Variants in CAST observed in about 807,000 individuals in gnomAD.
CAST encodes MIR583 host.
CAST carries 76 observed loss-of-function variants against 119.6 expected under a neutral mutation model. That is an observed-to-expected ratio of 0.64 (90% CI 0.53 to 0.77). The LOEUF is 0.77. Among genes scored for constraint, CAST ranks in the 30% least tolerant of loss-of-function variants. CAST has a pLI of 0.00. For synonymous variants in CAST, 319 were observed against 331.6 expected (o/e 0.96, Z 0.41); for missense variants, 953 against 946.5 (o/e 1.01, Z -0.09).
the CAST span, chr5:96,432,015 C>G: frequency 8.9e-7 from 1 of 1,122,732 alleles, no homozygotes. Context: ...CAACCAGCTA[C>G]CTATCGACCA....
chr5:96,012,287 T>C, the CAST span, among the ~76,000 whole-genome samples: 1 of 152,170 alleles, frequency 6.6e-6, no homozygotes, highest in Non-Finnish European at 1.5e-5. Flanking sequence ...ACATCATGCA[T>C]TTAACAAATT....
At chr5:96,551,534 C>G (rs1012489275) in intron 1 of CAST, among the ~76,000 whole-genome samples, 2 of 152,092 alleles carry the variant, frequency 1.3e-5, no homozygotes, top group African/African-American at 4.8e-5. Flanking sequence ...AACCAGCTAG[C>G]ATCACAATGA....
chr5:96,057,615 C>T, the CAST span, among the ~76,000 whole-genome samples: 15 of 152,234 alleles, frequency 9.9e-5, no homozygotes, highest in African/African-American at 3.4e-4. Context: ...GAATACCTCT[C>T]CAGATGTGGT....
At chr5:96,264,854 G>A in the CAST span, among the ~76,000 whole-genome samples, 1 of 152,024 alleles carries the variant, frequency 6.6e-6, no homozygotes, top group African/African-American at 2.4e-5. Flanking sequence ...TCATATTTTT[G>A]TGCACAATTG....
intron 1 of CAST, among the ~76,000 whole-genome samples, chr5:96,668,809 T>TA (rs34079986): frequency 0.091 from 13,107 of 144,256 alleles, 842 homozygotes; most frequent in East Asian, 0.22. Context: ...GTTACCCAGG[T>TA]AAAAAAAAAA....
the CAST span, among the ~76,000 whole-genome samples, chr5:96,142,930 C>T: frequency 5.9e-5 from 9 of 152,064 alleles, no homozygotes; most frequent in African/African-American, 2.2e-4. Context: ...CAAAAGGAGG[C>T]CCATTTCCAA....
At chr5:96,380,903 A>G in the CAST span, among the ~76,000 whole-genome samples, 29 of 152,324 alleles carry the variant, frequency 1.9e-4, no homozygotes, top group Non-Finnish European at 3.8e-4. Context: ...AGATAGACCA[A>G]TAGATTTTAA....
chr5:96,555,098 C>A (rs980879349), intron 1 of CAST, among the ~76,000 whole-genome samples: 1 of 152,210 alleles, frequency 6.6e-6, no homozygotes, highest in Non-Finnish European at 1.5e-5. Flanking sequence ...AAGGCAGATG[C>A]ACACGTATGT....
intron 16 of CAST, 90 bp downstream of exon 16, chr5:96,742,846 T>A (rs1762987048): frequency 4.4e-6 from 4 of 900,692 alleles, no homozygotes; most frequent in Admixed American, 2.1e-5. Context: ...CTCGCACAAC[T>A]TTTATTGGAG....
At chr5:96,191,414 AT>A in the CAST span, among the ~76,000 whole-genome samples, 1 of 152,160 alleles carries the variant, frequency 6.6e-6, no homozygotes, top group Non-Finnish European at 1.5e-5. Flanking sequence ...AGTACTAATA[AT>A]TGTCCCCATT....
At chr5:96,021,995 A>G in the CAST span, among the ~76,000 whole-genome samples, 1 of 152,258 alleles carries the variant, frequency 6.6e-6, no homozygotes, top group Non-Finnish European at 1.5e-5. Context: ...GAACATATAC[A>G]GACATTTTTT....
the CAST span, among the ~76,000 whole-genome samples, chr5:96,311,471 A>G: frequency 4.6e-5 from 7 of 152,122 alleles, no homozygotes; most frequent in Admixed American, 3.9e-4. Context: ...ATGTTTCCAC[A>G]TGTCCATTAT....
At chr5:96,698,353 T>C (rs1201282903) in intron 3 of CAST, among the ~76,000 whole-genome samples, 1 of 152,220 alleles carries the variant, frequency 6.6e-6, no homozygotes, top group African/African-American at 2.4e-5. Flanking sequence ...TTTATTGCTT[T>C]AGTATTTAAC....
the CAST span, among the ~76,000 whole-genome samples, chr5:95,982,774 G>A: frequency 6.6e-6 from 1 of 152,092 alleles, no homozygotes; most frequent in African/African-American, 2.4e-5. Context: ...AAAGATAAAG[G>A]TTCTTTCATT....
At chr5:96,121,268 T>C in the CAST span, among the ~76,000 whole-genome samples, 1 of 152,172 alleles carries the variant, frequency 6.6e-6, no homozygotes. Flanking sequence ...CCTTTTGTTT[T>C]ATTTGACTTA....
At chr5:96,662,914 C>T in intron 1 of CAST, 1 of 588,480 alleles carries the variant, frequency 1.7e-6, no homozygotes, top group South Asian at 2.0e-5. Context: ...AGAGCCTCTT[C>T]CCTAACCAGC....
the CAST span, among the ~76,000 whole-genome samples, chr5:96,193,000 G>A: frequency 6.6e-6 from 1 of 152,168 alleles, no homozygotes; most frequent in Non-Finnish European, 1.5e-5. Context: ...ATAGGAGGTA[G>A]ATAGTAGATT....
chr5:96,123,951 G>T, the CAST span, among the ~76,000 whole-genome samples: 3 of 151,946 alleles, frequency 2.0e-5, no homozygotes, highest in East Asian at 5.8e-4. Context: ...CAAGGCCTGA[G>T]GTTCTATTCA....
chr5:96,767,629 T>G, intron 28 of CAST, 147 bp downstream of exon 28: 1 of 668,420 alleles, frequency 1.5e-6, no homozygotes, highest in East Asian at 2.7e-5. Flanking sequence ...GTGTGACTAT[T>G]GTTTACCTCT....
Sources: allele counts gnomAD v4.1 joint callset (sites outside exome capture counted in the v4.1 genomes callset), GRCh38; gene constraint gnomAD v4.1.1; transcripts MANE v1.5; gene names NCBI Gene and HGNC (gene_info 2026-07-23, HGNC 2026-07-21).